Variants in PLXDC2 observed in about 807,000 individuals in gnomAD.
PLXDC2 encodes the protein plexin domain containing 2.
PLXDC2 carries 40 observed loss-of-function variants against 68.9 expected under a neutral mutation model. That is an observed-to-expected ratio of 0.58 (90% CI 0.45 to 0.76). The LOEUF (loss-of-function observed/expected upper bound fraction) is 0.76. Ranked by LOEUF, PLXDC2 falls within the 30% of genes least tolerant of loss-of-function variation. The pLI, the probability that PLXDC2 is intolerant of heterozygous loss-of-function variation, is 0.00. For synonymous variants in PLXDC2, 243 were observed against 234.2 expected, an observed-to-expected ratio of 1.04 and a Z score of -0.34; for missense variants, 644 against 661.9, an observed-to-expected ratio of 0.97 and a Z score of 0.30.
At chr10:20,138,605 A>G (rs1459555586) in intron 4 of PLXDC2, among the ~76,000 whole-genome samples, 1 of 152,220 alleles carries the variant, frequency 6.6e-6, no homozygotes, top group Non-Finnish European at 1.5e-5. Flanking sequence ...AGTTAGTGCA[A>G]GAATACAACA....
chr10:20,141,306 A>G (rs1394732033), intron 4 of PLXDC2, among the ~76,000 whole-genome samples: 3 of 152,088 alleles, frequency 2.0e-5, no homozygotes, highest in Non-Finnish European at 2.9e-5. Flanking sequence ...TACTAACAGT[A>G]AGTTTGAAGT....
At chr10:20,218,750 C>T (rs4400697) in intron 11 of PLXDC2, among the ~76,000 whole-genome samples, 68,202 of 151,884 alleles carry the variant, frequency 0.45, 17,518 homozygotes, top group Middle Eastern at 0.65. Context: ...GTTCTAATTA[C>T]AATAAGTGAT....
chr10:19,824,557 T>C (rs2131997757), intron 1 of PLXDC2, among the ~76,000 whole-genome samples: 1 of 152,334 alleles, frequency 6.6e-6, no homozygotes, highest in South Asian at 2.1e-4. Context: ...TGTAGAGTAC[T>C]CCATTCTGAG....
chr10:19,865,413 C>T (rs1837395073), intron 1 of PLXDC2, among the ~76,000 whole-genome samples: 1 of 152,148 alleles, frequency 6.6e-6, no homozygotes, highest in Non-Finnish European at 1.5e-5. Flanking sequence ...TTGGGCTGTG[C>T]TTCATTTTGC....
intron 2 of PLXDC2, among the ~76,000 whole-genome samples, chr10:20,016,146 TCTAA>T (rs1227593076): frequency 2.6e-5 from 4 of 152,152 alleles, no homozygotes; most frequent in Non-Finnish European, 5.9e-5. Context: ...CTGGGGAAAA[TCTAA>T]CTGAGATTGG....
At chr10:19,859,197 C>A (rs1159890072) in intron 1 of PLXDC2, among the ~76,000 whole-genome samples, 2 of 152,132 alleles carry the variant, frequency 1.3e-5, no homozygotes, top group East Asian at 3.9e-4. Flanking sequence ...CCAGGCCCCA[C>A]CTCCAACATT....
At chr10:20,193,337 C>A (rs1254488814) in intron 9 of PLXDC2, among the ~76,000 whole-genome samples, 1 of 151,952 alleles carries the variant, frequency 6.6e-6, no homozygotes, top group Non-Finnish European at 1.5e-5. Context: ...GTAATCACAA[C>A]AATCTAGTTT....
chr10:20,270,214 G>A (rs11011923), intron 13 of PLXDC2, among the ~76,000 whole-genome samples: 37,158 of 151,732 alleles, frequency 0.24, 4,663 homozygotes, highest in African/African-American at 0.3. Flanking sequence ...GGACAAGAAT[G>A]AGGCTAATAC....
rs190349556 is a variant in PLXDC2 at position 20,121,637 on chromosome 10, A to C, written c.542-21658A>C. Among the ~76,000 whole-genome samples the C allele has an allele frequency of 1.1e-3, 163 of 152,262 alleles. 1 individual carries two copies. Among genetic ancestry groups the C allele is most frequent in the African/African-American group, 3.8e-3 (159 of 41,544 alleles). On this transcript the variant is annotated intron_variant, in intron 4 of 13. Transcript: ENST00000377252. ...GACAGGTGCAAAGGAGTAGTGAAGA[A>C]AGCATGTTTGAGATCCAGAACAGAA... is the stretch of plus-strand genomic sequence containing the variant.
At chr10:19,896,054 C>G (rs535821958) in intron 1 of PLXDC2, among the ~76,000 whole-genome samples, 1 of 152,306 alleles carries the variant, frequency 6.6e-6, no homozygotes, top group East Asian at 1.9e-4. Flanking sequence ...CACTTTCCTT[C>G]ACTCCAGGCT....
At position 20,162,909 on chromosome 10, in the gene PLXDC2, C is replaced by CAAAAAAAA. The variant is rs71390763; in HGVS notation, c.784-1545_784-1538dup. On this transcript the variant is annotated intron_variant, in intron 6 of 13. Transcript: ENST00000377252. ...TGAAACCCCATCTCTACTAAAAATA[C>CAAAAAAAA]AAAAAAAAAAAAAAAAAAAAATCCA... is the stretch of plus-strand genomic sequence containing the variant. 6.7e-4 allele frequency among the ~76,000 whole-genome samples: 66 copies of CAAAAAAAA among 98,024 alleles called. 1 individual carries two copies. The highest frequency in any genetic ancestry group is 1.1e-3 in the African/African-American group (26 of 24,618). The allele number at this position is 98,024 out of a possible 152,430, so 64.3% of individuals were successfully genotyped here.
At chr10:19,902,341 T>C (rs919547451) in intron 1 of PLXDC2, among the ~76,000 whole-genome samples, 1 of 152,212 alleles carries the variant, frequency 6.6e-6, no homozygotes, top group Admixed American at 6.5e-5. Context: ...TCATCTATGA[T>C]TTCTTTCTGC....
chr10:19,982,803 T>A (rs926815889), intron 1 of PLXDC2, among the ~76,000 whole-genome samples: 3 of 152,188 alleles, frequency 2.0e-5, no homozygotes, highest in Non-Finnish European at 2.9e-5. Context: ...ATAAACTAAA[T>A]AACCTTCATT....
chr10:19,901,725 G>C (rs1270644573), intron 1 of PLXDC2, among the ~76,000 whole-genome samples: 1 of 152,062 alleles, frequency 6.6e-6, no homozygotes, highest in African/African-American at 2.4e-5. Flanking sequence ...ATTTGCTTTT[G>C]AGTTCTTGGT....
At chr10:20,104,474 A>T (rs1017977156) in intron 4 of PLXDC2, among the ~76,000 whole-genome samples, 1 of 152,166 alleles carries the variant, frequency 6.6e-6, no homozygotes, top group Non-Finnish European at 1.5e-5. Flanking sequence ...AGTGTATGAC[A>T]GCATTCTGTA....
chr10:19,874,376 C>A (rs1459584136), intron 1 of PLXDC2, among the ~76,000 whole-genome samples: 1 of 152,188 alleles, frequency 6.6e-6, no homozygotes, highest in Non-Finnish European at 1.5e-5. Context: ...GGGAGCAACT[C>A]ACTTTCTAGA....
intron 2 of PLXDC2, among the ~76,000 whole-genome samples, chr10:20,029,932 C>A (rs1835471058): frequency 6.6e-6 from 1 of 152,178 alleles, no homozygotes; most frequent in African/African-American, 2.4e-5. Flanking sequence ...GGTTTTCCCT[C>A]TTCTAAGATG....
intron 1 of PLXDC2, among the ~76,000 whole-genome samples, chr10:19,933,868 G>A (rs1378175990): frequency 7.2e-6 from 1 of 138,740 alleles, no homozygotes; most frequent in Non-Finnish European, 1.6e-5. Flanking sequence ...GAAAGGGAGG[G>A]TGGGAGGGAG....
intron 1 of PLXDC2, among the ~76,000 whole-genome samples, chr10:19,895,044 T>C (rs1398841318): frequency 6.6e-6 from 1 of 152,172 alleles, no homozygotes; most frequent in Non-Finnish European, 1.5e-5. Context: ...CCATCAATGA[T>C]AGACTGGATA....
Sources: allele counts gnomAD v4.1 joint callset (sites outside exome capture counted in the v4.1 genomes callset), GRCh38; gene constraint gnomAD v4.1.1; transcripts MANE v1.5; gene names NCBI Gene and HGNC (gene_info 2026-07-23, HGNC 2026-07-21).